CCNK: variants seen among roughly 807,000 people sequenced by gnomAD.
CCNK encodes the protein cyclin-K.
In CCNK, 9 loss-of-function variants were observed where a neutral mutation model predicts 65.0. The observed-to-expected ratio is 0.14, with a 90% CI of 0.08 to 0.24. CCNK has a LOEUF of 0.24. CCNK is among the 10% of genes least tolerant of loss of function. The pLI is 1.00. For missense variants in CCNK, 474 were observed against 720.0 expected, an observed-to-expected ratio of 0.66 and a Z score of 3.91; for synonymous variants, 279 against 270.8, an observed-to-expected ratio of 1.03 and a Z score of -0.30.
intron 1 of CCNK, among the ~76,000 whole-genome samples, chr14:99,483,471 G>C (rs1230649463): frequency 2.0e-5 from 3 of 152,174 alleles, no homozygotes; most frequent in African/African-American, 7.2e-5. Flanking sequence ...GATCACTTGA[G>C]TCTGAGAGAT....
intron 1 of CCNK, among the ~76,000 whole-genome samples, chr14:99,488,858 T>C (rs1896544344): frequency 6.6e-6 from 1 of 152,014 alleles, no homozygotes; most frequent in Non-Finnish European, 1.5e-5. Flanking sequence ...TTCTTTTTGC[T>C]ATTCAAATTA....
chr14:99,506,139 T>A (rs1039688349), intron 9 of CCNK: 2 of 152,300 alleles, frequency 1.3e-5, no homozygotes, highest in African/African-American at 4.8e-5. Context: ...AGAGAGGGGC[T>A]TTGGACTCTG....
chr14:99,507,190 C>T (rs1311486080), intron 10 of CCNK, 43 bp downstream of exon 10: 2 of 1,191,660 alleles, frequency 1.7e-6, no homozygotes, highest in East Asian at 2.3e-5. Context: ...TGCACATCGC[C>T]TCTGAATGTT....
At chr14:99,496,930 CTTTT>C (rs146560564) in intron 4 of CCNK, among the ~76,000 whole-genome samples, 1 of 129,762 alleles carries the variant, frequency 7.7e-6, no homozygotes, top group Non-Finnish European at 1.6e-5. Context: ...AAAAAAAATG[CTTTT>C]TTTTTTTTTA....
At chr14:99,501,532 G>A (rs1222043676) in intron 6 of CCNK, 119 bp downstream of exon 6, 4 of 716,898 alleles carry the variant, frequency 5.6e-6, no homozygotes, top group Non-Finnish European at 9.4e-6. Flanking sequence ...CTGGCTTGAG[G>A]AGCCAGTTAA....
At chr14:99,503,787 T>C (rs747433269) in intron 9 of CCNK, 143 bp downstream of exon 9, 6 of 664,590 alleles carry the variant, frequency 9.0e-6, no homozygotes, top group Non-Finnish European at 1.6e-5. Context: ...CCATCAGCAT[T>C]GTCTTTCTGT....
chr14:99,510,261 G>GCC lies in CCNK; in HGVS notation c.1225_1226dup (p.Val410LeufsTer21). The GCC allele has an allele frequency of 3.7e-6, 5 of 1,354,220 alleles. No homozygotes were observed. The highest frequency in any genetic ancestry group is 1.3e-5 in the South Asian group (1 of 79,092). The allele number at this position is 1,354,220 out of a possible 1,614,324, so 83.9% of individuals were successfully genotyped here. On this transcript the variant is annotated frameshift_variant, in exon 11 of 11. Coordinates refer to ENST00000389879, the MANE Select transcript of CCNK (RefSeq NM_001099402.2). LOFTEE classifies it high-confidence loss of function. ...CCAGATTCCCCCTCCGGCCCACCCG[G>GCC]CCCCTGTGCACCAGCCACCGCCGCT... is the stretch of plus-strand genomic sequence containing the variant.
At chr14:99,496,447 A>G (rs1475753927) in intron 4 of CCNK, among the ~76,000 whole-genome samples, 1 of 152,170 alleles carries the variant, frequency 6.6e-6, no homozygotes, top group African/African-American at 2.4e-5. Flanking sequence ...GTGGTGGCTC[A>G]CGCCTGTAAT....
chr14:99,509,513 C>CGCAGCACGCACAGACAT (rs1474631630), intron 10 of CCNK: 2 of 152,784 alleles, frequency 1.3e-5, no homozygotes, highest in African/African-American at 4.8e-5. Context: ...CGCACACACA[C>CGCAGCACGCACAGACAT]GCAGCACGCA....
intron 1 of CCNK, among the ~76,000 whole-genome samples, chr14:99,481,892 G>A (rs1691721379): frequency 6.6e-6 from 1 of 152,222 alleles, no homozygotes. Flanking sequence ...CTTTTTGGAG[G>A]TTGTTCCATG....
rs1896896426 is a variant in CCNK at position 99,503,594 on chromosome 14, ATT to A, written c.1012-14_1012-13del. 6.4e-7 allele frequency: 1 copy of A among 1,553,818 alleles called. No individual in the cohort carries two copies. Among genetic ancestry groups the A allele is most frequent in the Non-Finnish European group, 8.7e-7 (1 of 1,146,718 alleles). On this transcript the variant is annotated splice_polypyrimidine_tract_variant and intron_variant, in intron 8 of 10. Transcript: ENST00000389879. ...TCAGGATCCCAGTTAACAATTGTGT[ATT>A]TTCTTTTGTAACAGGTTGTTTCTCC...
chr14:99,510,052 G>C, intron 10 of CCNK, 105 bp from the exon 11 acceptor site: 1 of 1,176,858 alleles, frequency 8.5e-7, no homozygotes, highest in Non-Finnish European at 1.2e-6. Flanking sequence ...GAGGCGGGCA[G>C]CTGCTCCCTG....
intron 1 of CCNK, among the ~76,000 whole-genome samples, chr14:99,483,161 T>C (rs1430322228): frequency 2.0e-5 from 3 of 152,154 alleles, no homozygotes; most frequent in South Asian, 2.1e-4. Context: ...CTATTAATAA[T>C]CTGTTTTAGA....
chr14:99,502,835 G>A lies in CCNK; in HGVS notation c.862G>A (p.Val288Ile). Residue 288 changes from valine (V) to isoleucine (I), a missense_variant, in exon 8 of 11, where the codon GTA (valine) becomes ATA (isoleucine). Transcript: ENST00000389879. Reference sequence around the variant, plus strand: ...TCAGCCTACACCACAAGTGCCGCAAGTACAGCAGTCACAGCCGTCTCAAAG... The same window carrying A: ...TCAGCCTACACCACAAGTGCCGCAAATACAGCAGTCACAGCCGTCTCAAAG... ...SLQPTPQVPQ[V>I]QQSQPSQSSE... 1.9e-6 allele frequency: 3 copies of A among 1,613,504 alleles called. No homozygotes were observed. The highest frequency in any genetic ancestry group is 1.7e-6 in the Non-Finnish European group (2 of 1,179,744).
At position 99,507,071 on chromosome 14, in the gene CCNK, T is replaced by C; in HGVS notation, c.1046-5T>C. ...GTGGTTTTCTAATCTGCTTTTTCTT[T>C]GTAGAACCACCACCACCTAAAATCC... On this transcript the variant is annotated splice_region_variant and splice_polypyrimidine_tract_variant and intron_variant, in intron 9 of 10. Coordinates refer to ENST00000389879, the MANE Select transcript of CCNK (RefSeq NM_001099402.2). 1.3e-6 allele frequency: 2 copies of C among 1,593,548 alleles called. No individual in the cohort carries two copies. Among genetic ancestry groups the C allele is most frequent in the Non-Finnish European group, 1.7e-6 (2 of 1,161,296 alleles).
intron 9 of CCNK, chr14:99,506,243 G>C (rs1012120467): frequency 6.6e-6 from 1 of 152,290 alleles, no homozygotes; most frequent in Non-Finnish European, 1.5e-5. Context: ...AGTGATGGCA[G>C]AGGAGACTCA....
At chr14:99,506,291 C>T (rs1328398762) in intron 9 of CCNK, 1 of 152,234 alleles carries the variant, frequency 6.6e-6, no homozygotes, top group Non-Finnish European at 1.5e-5. Flanking sequence ...AAGTACATTT[C>T]AGGAAGAAAA....
intron 5 of CCNK, 69 bp downstream of exon 5, chr14:99,500,940 A>G (rs931036385): frequency 1.0e-6 from 1 of 957,228 alleles, no homozygotes. Flanking sequence ...ATGACACTCA[A>G]ATTACGCTTC....
At position 99,510,548 on chromosome 14, in the gene CCNK, T is replaced by C; in HGVS notation, c.1509T>C (p.Thr503=). The change falls in exon 11 of 11, where the codon ACT becomes ACC. Residue 503 remains threonine, a synonymous_variant. Coordinates refer to ENST00000389879, the MANE Select transcript of CCNK (RefSeq NM_001099402.2). The part of the protein sequence containing the change: ...SFPPPAIPPP[T]PGYPPPPPTY... ...CCCCACCTGCCATCCCACCCCCTAC[T>C]CCTGGCTACCCCCCACCCCCACCCA... is the stretch of plus-strand genomic sequence containing the variant. The C allele has an allele frequency of 3.1e-6, 1 of 318,590 alleles. No individual in the cohort carries two copies. The highest frequency in any genetic ancestry group is 5.7e-6 in the Non-Finnish European group (1 of 176,476). 19.7% of individuals were successfully genotyped at this position (318,590 alleles called of 1,614,324 possible).
Sources: allele counts gnomAD v4.1 joint callset (sites outside exome capture counted in the v4.1 genomes callset), GRCh38; gene constraint gnomAD v4.1.1; transcripts MANE v1.5; gene names NCBI Gene and HGNC (gene_info 2026-07-23, HGNC 2026-07-21).